Variants in NAALADL2 observed in about 807,000 individuals in gnomAD.
The protein encoded by NAALADL2 is N-acetylated alpha-linked acidic dipeptidase like 2, also known as inactive N-acetylated-alpha-linked acidic dipeptidase-like protein 2.
A neutral mutation model predicts 87.2 loss-of-function variants in NAALADL2; 76 were observed. That is an observed-to-expected ratio of 0.87 (90% CI 0.72 to 1.05). The LOEUF (loss-of-function observed/expected upper bound fraction) is 1.05, where lower values mean the gene tolerates loss of function less well. Among genes scored for constraint, NAALADL2 ranks in the 50% least tolerant of loss-of-function variants. The pLI, the probability that NAALADL2 is intolerant of heterozygous loss-of-function variation, is 0.00. For synonymous variants in NAALADL2, 354 were observed against 331.0 expected, an observed-to-expected ratio of 1.07 and a Z score of -0.75; for missense variants, 1,089 against 945.8, an observed-to-expected ratio of 1.15 and a Z score of -1.99.
chr3:174,509,568 A>ATTTTTTTT (rs145219498), intron 1 of NAALADL2, among the ~76,000 whole-genome samples: 11 of 80,120 alleles, frequency 1.4e-4, no homozygotes, highest in East Asian at 4.1e-4. Flanking sequence ...CACCCAGCTA[A>ATTTTTTTT]TTTTTTTTTT....
intron 2 of NAALADL2, among the ~76,000 whole-genome samples, chr3:175,187,079 C>T (rs973861662): frequency 6.6e-6 from 1 of 152,064 alleles, no homozygotes; most frequent in Non-Finnish European, 1.5e-5. Flanking sequence ...GTAGACACTG[C>T]AATTGTCAAG....
chr3:175,533,356 G>A (rs1734358951), intron 9 of NAALADL2, among the ~76,000 whole-genome samples: 2 of 152,146 alleles, frequency 1.3e-5, no homozygotes, highest in African/African-American at 4.8e-5. Flanking sequence ...CTAGTTATAG[G>A]TCTAGAAGCA....
At chr3:175,450,797 G>T (rs929579770) in intron 6 of NAALADL2, among the ~76,000 whole-genome samples, 4 of 152,192 alleles carry the variant, frequency 2.6e-5, no homozygotes, top group African/African-American at 9.6e-5. Context: ...AATGGATGTT[G>T]AGAAAGCAAG....
intron 3 of NAALADL2, among the ~76,000 whole-genome samples, chr3:174,760,710 A>G (rs1463107631): frequency 6.6e-6 from 1 of 152,164 alleles, no homozygotes; most frequent in African/African-American, 2.4e-5. Context: ...TGATTCAGCC[A>G]TTTCTAATGT....
chr3:175,324,989 T>C (rs1483922614), intron 5 of NAALADL2, among the ~76,000 whole-genome samples: 1 of 152,162 alleles, frequency 6.6e-6, no homozygotes, highest in African/African-American at 2.4e-5. Context: ...TTCTGTCCGA[T>C]GTGTCATTGG....
chr3:175,741,170 T>C (rs1477261995), intron 12 of NAALADL2, among the ~76,000 whole-genome samples: 1 of 152,176 alleles, frequency 6.6e-6, no homozygotes, highest in Non-Finnish European at 1.5e-5. Flanking sequence ...ACAACAGTAA[T>C]TTATTTCTTA....
At chr3:174,923,190 A>G (rs1254168384) in intron 1 of NAALADL2, among the ~76,000 whole-genome samples, 1 of 152,208 alleles carries the variant, frequency 6.6e-6, no homozygotes, top group Non-Finnish European at 1.5e-5. Flanking sequence ...GAAAAAACAC[A>G]GAAACCAATA....
intron 9 of NAALADL2, among the ~76,000 whole-genome samples, chr3:175,554,443 G>C (rs1714936318): frequency 1.3e-5 from 2 of 151,834 alleles, no homozygotes; most frequent in Admixed American, 1.3e-4. Flanking sequence ...TGTAATTTAA[G>C]CGTTTATGTT....
In NAALADL2 at chr3:175,234,045, G is replaced by T. The variant is rs1745424567; in HGVS notation, c.660G>T (p.Leu220=). The change falls in exon 3 of 14, where the codon CTG becomes CTT. Residue 220 remains leucine (L), a synonymous_variant. Coordinates refer to ENST00000454872, the MANE Select transcript of NAALADL2 (RefSeq NM_207015.3). Reference sequence around the variant, plus strand: ...TACAGTTTGTAAATTACTCTGTGCTGCTTGATCTGCCAGGCCCTTCTCCCA... The same window carrying T: ...TACAGTTTGTAAATTACTCTGTGCTTCTTGATCTGCCAGGCCCTTCTCCCA... ...EDVQFVNYSV[L]LDLPGPSPST... 1 of 1,613,776 alleles carries T rather than the reference G, an allele frequency of 6.2e-7. No homozygotes were observed. The highest frequency in any genetic ancestry group is 1.3e-5 in the African/African-American group (1 of 74,914).
intron 1 of NAALADL2, among the ~76,000 whole-genome samples, chr3:174,910,179 A>C (rs1398559666): frequency 6.6e-6 from 1 of 151,632 alleles, no homozygotes; most frequent in Admixed American, 6.6e-5. Flanking sequence ...TATATATATC[A>C]CATAGAGATC....
chr3:175,524,539 G>C (rs1051599614), intron 9 of NAALADL2, among the ~76,000 whole-genome samples: 9 of 152,060 alleles, frequency 5.9e-5, no homozygotes, highest in African/African-American at 2.2e-4. Flanking sequence ...AGTAGTACAT[G>C]ATTTCTCTTC....
intron 2 of NAALADL2, among the ~76,000 whole-genome samples, chr3:174,605,909 G>C (rs1262297827): frequency 6.6e-6 from 1 of 152,166 alleles, no homozygotes; most frequent in East Asian, 1.9e-4. Flanking sequence ...GCCTAACTGG[G>C]AGGCACCCCC....
chr3:175,132,667 T>C (rs187256018), intron 2 of NAALADL2, among the ~76,000 whole-genome samples: 43,342 of 81,712 alleles, frequency 0.53, 10,871 homozygotes, highest in East Asian at 0.61. Flanking sequence ...GGCTGACCCC[T>C]CCACCTCCCT....
intron 3 of NAALADL2, among the ~76,000 whole-genome samples, chr3:174,825,958 C>T (rs866181718): frequency 6.6e-6 from 1 of 151,824 alleles, no homozygotes; most frequent in Admixed American, 6.6e-5. Flanking sequence ...ACCCTGGAGG[C>T]GGAGCTTGCA....
At chr3:174,644,237 C>G (rs568111465) in intron 2 of NAALADL2, among the ~76,000 whole-genome samples, 1 of 152,310 alleles carries the variant, frequency 6.6e-6, no homozygotes, top group South Asian at 2.1e-4. Flanking sequence ...TGCAAGCCTA[C>G]TGTTGATCAG....
intron 1 of NAALADL2, among the ~76,000 whole-genome samples, chr3:175,018,103 G>A (rs574239585): frequency 4.5e-4 from 69 of 152,086 alleles, no homozygotes; most frequent in South Asian, 6.2e-4. Context: ...ATCAATCATT[G>A]TAAATACTGA....
intron 6 of NAALADL2, among the ~76,000 whole-genome samples, chr3:175,448,003 G>C (rs1720968874): frequency 6.6e-6 from 1 of 152,152 alleles, no homozygotes; most frequent in South Asian, 2.1e-4. Flanking sequence ...TGTTAAATTT[G>C]TATCTATTTG....
chr3:174,657,598 G>A (rs1049951080), intron 2 of NAALADL2, among the ~76,000 whole-genome samples: 8 of 152,094 alleles, frequency 5.3e-5, no homozygotes, highest in African/African-American at 1.4e-4. Flanking sequence ...TTAGAATGGC[G>A]TATTCGTGAC....
chr3:175,144,489 G>A (rs1255936801), intron 2 of NAALADL2, among the ~76,000 whole-genome samples: 1 of 151,908 alleles, frequency 6.6e-6, no homozygotes, highest in African/African-American at 2.4e-5. Flanking sequence ...ACAGTCTAAA[G>A]TGTAAAACAC....
Sources: allele counts gnomAD v4.1 joint callset (sites outside exome capture counted in the v4.1 genomes callset), GRCh38; gene constraint gnomAD v4.1.1; transcripts MANE v1.5; gene names NCBI Gene and HGNC (gene_info 2026-07-23, HGNC 2026-07-21).